MACROD2: variants seen among roughly 807,000 people sequenced by gnomAD.
MACROD2 encodes the protein ADP-ribose glycohydrolase MACROD2.
MACROD2 carries 36 observed loss-of-function variants against 70.4 expected under a neutral mutation model. That is an observed-to-expected ratio of 0.51 (90% CI 0.39 to 0.68). The LOEUF is 0.68. MACROD2 is among the 30% of genes least tolerant of loss of function. MACROD2 has a pLI of 0.00. For synonymous variants in MACROD2, 172 were observed against 178.8 expected (o/e 0.96, Z 0.30); for missense variants, 496 against 538.4 (o/e 0.92, Z 0.78).
At chr20:15,980,835 C>T (rs558893379) in intron 13 of MACROD2, among the ~76,000 whole-genome samples, 22 of 152,180 alleles carry the variant, frequency 1.4e-4, no homozygotes, top group Middle Eastern at 3.4e-3. Flanking sequence ...AGTTTTTTGC[C>T]GGGCCAGAAT....
Position 14,588,752 on chromosome 20 carries a change from A to G in MACROD2, c.301+95244A>G, listed in dbSNP as rs556638538. Among the ~76,000 whole-genome samples, 16 of 151,822 alleles carry G rather than the reference A, an allele frequency of 1.1e-4. 1 individual carries two copies. Among genetic ancestry groups the G allele is most frequent in the Admixed American group, 1.1e-3 (16 of 15,224 alleles). ...GCTGAGATTACAGGTGTGAGCCACC[A>G]CTCCTGGCCAAGGCTATATATTATC... On this transcript the variant is annotated intron_variant, in intron 4 of 17. Coordinates refer to ENST00000684519, the MANE Select transcript of MACROD2 (RefSeq NM_001351661.2).
chr20:15,556,784 A>G (rs561117834), intron 8 of MACROD2, among the ~76,000 whole-genome samples: 1 of 152,318 alleles, frequency 6.6e-6, no homozygotes, highest in East Asian at 1.9e-4. Flanking sequence ...TCTCTGGTCA[A>G]TGGACCCTCA....
chr20:14,940,669 T>G (rs191369774), intron 5 of MACROD2, among the ~76,000 whole-genome samples: 298 of 152,298 alleles, frequency 2.0e-3, no homozygotes, highest in African/African-American at 7.0e-3. Flanking sequence ...TTTTTTCCCT[T>G]GGTGCTGTTA....
intron 4 of MACROD2, among the ~76,000 whole-genome samples, chr20:14,577,101 A>G (rs1199499346): frequency 6.6e-6 from 1 of 152,162 alleles, no homozygotes; most frequent in Non-Finnish European, 1.5e-5. Flanking sequence ...GCTTCATCTT[A>G]AAGGAGTGAC....
intron 4 of MACROD2, among the ~76,000 whole-genome samples, chr20:14,657,386 C>T (rs993077681): frequency 1.3e-5 from 2 of 152,186 alleles, no homozygotes; most frequent in Non-Finnish European, 2.9e-5. Flanking sequence ...GAAAAATCCT[C>T]AGCAACAGCT....
intron 6 of MACROD2, among the ~76,000 whole-genome samples, chr20:15,271,047 C>T (rs1458831479): frequency 6.6e-6 from 1 of 152,174 alleles, no homozygotes; most frequent in African/African-American, 2.4e-5. Flanking sequence ...ACTGTGTAAG[C>T]TTCAGGCCCC....
intron 3 of MACROD2, among the ~76,000 whole-genome samples, chr20:14,426,600 G>T (rs1568606896): frequency 6.6e-6 from 1 of 152,106 alleles, no homozygotes; most frequent in Non-Finnish European, 1.5e-5. Flanking sequence ...GCATAAGTTT[G>T]TCCATATAGT....
chr20:14,443,619 A>G (rs929754692), intron 3 of MACROD2, among the ~76,000 whole-genome samples: 5 of 152,128 alleles, frequency 3.3e-5, no homozygotes, highest in Non-Finnish European at 7.3e-5. Flanking sequence ...TTATATGCCA[A>G]AATGGAAAGG....
intron 6 of MACROD2, among the ~76,000 whole-genome samples, chr20:15,301,175 A>T (rs185101641): frequency 6.6e-6 from 1 of 152,336 alleles, no homozygotes; most frequent in African/African-American, 2.4e-5. Context: ...GAGGGTGGGC[A>T]TGTAGTTTCC....
rs11468972 is a variant in MACROD2 at position 14,981,021 on chromosome 20, AGTGT to A, written c.419-248891_419-248888del. 7.0e-3 allele frequency among the ~76,000 whole-genome samples: 999 copies of A among 143,716 alleles called. 10 individuals are homozygous for A. The highest frequency in any genetic ancestry group is 0.017 in the African/African-American group (669 of 39,416). 94.3% of individuals were successfully genotyped at this position (143,716 alleles called of 152,430 possible). On this transcript the variant is annotated intron_variant, in intron 5 of 17. Coordinates refer to ENST00000684519, the MANE Select transcript of MACROD2 (RefSeq NM_001351661.2). ...GCCAGAAGGATCCTTTACAAAAAGA[AGTGT>A]GTGTGTGTGTGTGTGTGTGTGTGTG...
chr20:14,557,934 G>T (rs2423818), intron 4 of MACROD2, among the ~76,000 whole-genome samples: 99,561 of 151,562 alleles, frequency 0.66, 33,912 homozygotes, highest in East Asian at 0.94. Context: ...TTTCATACCA[G>T]TGTTATTCAT....
chr20:15,150,536 C>T (rs1484932023), intron 5 of MACROD2, among the ~76,000 whole-genome samples: 2 of 151,960 alleles, frequency 1.3e-5, no homozygotes, highest in African/African-American at 4.8e-5. Context: ...TGATAACAGG[C>T]TTTAATCCTT....
intron 8 of MACROD2, among the ~76,000 whole-genome samples, chr20:15,815,165 A>C (rs1480204169): frequency 6.6e-6 from 1 of 152,174 alleles, no homozygotes; most frequent in Non-Finnish European, 1.5e-5. Flanking sequence ...GGAAACTGAG[A>C]ATGCAGTGAC....
chr20:14,669,955 A>G (rs1434498243), intron 4 of MACROD2, among the ~76,000 whole-genome samples: 2 of 152,110 alleles, frequency 1.3e-5, no homozygotes, highest in African/African-American at 4.8e-5. Context: ...TTCAAGGAAT[A>G]TAGTGTTAGG....
chr20:15,540,453 T>C (rs761073153), intron 8 of MACROD2, among the ~76,000 whole-genome samples: 1 of 152,126 alleles, frequency 6.6e-6, no homozygotes, highest in African/African-American at 2.4e-5. Flanking sequence ...GAGACTCTTG[T>C]AGCAATTCAA....
At chr20:14,322,662 A>G (rs2081549855) in intron 3 of MACROD2, among the ~76,000 whole-genome samples, 1 of 152,172 alleles carries the variant, frequency 6.6e-6, no homozygotes, top group Admixed American at 6.6e-5. Flanking sequence ...CAGCAAACAA[A>G]TAATTAATAA....
intron 4 of MACROD2, among the ~76,000 whole-genome samples, chr20:14,683,372 C>T (rs1287735238): frequency 1.3e-5 from 2 of 152,132 alleles, no homozygotes; most frequent in Admixed American, 6.6e-5. Context: ...CCATTATTGA[C>T]AAGGACTTGT....
At chr20:14,858,542 C>G (rs1298645735) in intron 5 of MACROD2, among the ~76,000 whole-genome samples, 1 of 152,074 alleles carries the variant, frequency 6.6e-6, no homozygotes, top group African/African-American at 2.4e-5. Flanking sequence ...TGGAATGATA[C>G]AGTTAAGGGT....
chr20:15,479,069 G>T (rs534380137), intron 7 of MACROD2, among the ~76,000 whole-genome samples: 12 of 152,294 alleles, frequency 7.9e-5, no homozygotes, highest in African/African-American at 2.9e-4. Context: ...CTTCATGAAA[G>T]TTCTTTGCTC....
Sources: allele counts gnomAD v4.1 joint callset (sites outside exome capture counted in the v4.1 genomes callset), GRCh38; gene constraint gnomAD v4.1.1; transcripts MANE v1.5; gene names NCBI Gene and HGNC (gene_info 2026-07-23, HGNC 2026-07-21).